The following IMMT variants were observed in gnomAD, a reference collection of about 807,000 sequenced individuals.
IMMT encodes the protein MICOS complex subunit MIC60.
Under a neutral mutation model 92.7 loss-of-function variants are expected in IMMT, and 40 were observed. The observed-to-expected ratio is 0.43, with a 90% confidence interval of 0.34 to 0.56. The LOEUF (loss-of-function observed/expected upper bound fraction) is 0.56. Among genes scored for constraint, IMMT ranks in the 20% least tolerant of loss-of-function variants. IMMT has a pLI of 0.03. For synonymous variants in IMMT, 322 were observed against 336.1 expected, an observed-to-expected ratio of 0.96 and a Z score of 0.46; for missense variants, 831 against 912.1, an observed-to-expected ratio of 0.91 and a Z score of 1.14.
chr2:86,185,241 TATG>T (rs1325233940), intron 1 of IMMT, among the ~76,000 whole-genome samples: 2 of 151,682 alleles, frequency 1.3e-5, no homozygotes, highest in Non-Finnish European at 2.9e-5. Context: ...TTTAGCTGAG[TATG>T]ATAAGGACAG....
In IMMT at chr2:86,146,103, T is replaced by C. The variant is rs771628141; in HGVS notation, c.1628A>G (p.Tyr543Cys). ...CTGTTCGATTCCTCTGAGTCTGGCA[T>C]AGGCAGTATTTATATCCAGAGTAAA... ...DNFTLDINTA[Y>C]ARLRGIEQAV... Residue 543 changes from tyrosine (Y) to cysteine (C), a missense_variant, in exon 14 of 15, where the codon TAT becomes TGT. Coordinates refer to ENST00000410111, the MANE Select transcript of IMMT (RefSeq NM_006839.3). 4.4e-6 allele frequency: 7 copies of C among 1,605,624 alleles called. No homozygotes were observed. The East Asian group carries it at 1.1e-4, about 26-fold the overall frequency.
At chr2:86,162,103 T>C in intron 7 of IMMT, 24 bp from the exon 8 acceptor site, 1 of 1,420,300 alleles carries the variant, frequency 7.0e-7, no homozygotes, top group South Asian at 1.3e-5. Context: ...TTTAATTATA[T>C]AATAAATAAC....
Position 86,162,068 on chromosome 2 carries a change from C to A in IMMT, c.804G>T (p.Glu268Asp). 1 of 1,589,584 alleles carries A rather than the reference C, an allele frequency of 6.3e-7. No homozygotes were observed. Among genetic ancestry groups the A allele is most frequent in the Non-Finnish European group, 8.5e-7 (1 of 1,170,186 alleles). ...AAMDNSEIAG[E>D]KKSAQWRTVE... is the part of the protein sequence containing the mutation. ...CTGTGCGCCACTGAGCAGATTTCTT[C>A]TCGCCTGCAATCTAAACAAAAAATT... Residue 268 changes from glutamate (E) to aspartate (D), a missense_variant, in exon 8 of 15, where the codon GAG (glutamate) becomes GAT (aspartate). Glu to Asp is a conservative substitution (Grantham distance 45). Transcript: ENST00000410111.
At chr2:86,147,913 CATG>C in intron 12 of IMMT, 80 bp from the exon 13 acceptor site, 15 of 1,401,294 alleles carry the variant, frequency 1.1e-5, no homozygotes, top group Non-Finnish European at 1.5e-5. Context: ...CACTATCAAC[CATG>C]ACAACAGCAG....
intron 10 of IMMT, 66 bp downstream of exon 10, chr2:86,158,526 C>A (rs1676021570): frequency 1.5e-6 from 2 of 1,363,258 alleles, no homozygotes; most frequent in South Asian, 2.6e-5. Context: ...GGAGATGAAG[C>A]AAGTTTAGAT....
At chr2:86,184,067 T>G (rs1672598041) in intron 1 of IMMT, among the ~76,000 whole-genome samples, 1 of 152,214 alleles carries the variant, frequency 6.6e-6, no homozygotes. Context: ...TATGAAAGTA[T>G]GTTTTCCCAC....
rs537164834 is a variant in IMMT, at chr2:86,190,428, G to GACT, written c.45+4907_45+4909dup. ...CTTCTTTCAAGTTATAAGCAGGAAA[G>GACT]ACTACTCCATATGTAAATGACCACT... On this transcript the variant is annotated intron_variant, in intron 1 of 14. Transcript: ENST00000410111. 5.3e-5 allele frequency among the ~76,000 whole-genome samples: 8 copies of GACT among 152,300 alleles called. No individual in the cohort carries two copies. In the East Asian group the frequency reaches 1.4e-3, roughly 26 times the overall value.
intron 10 of IMMT, among the ~76,000 whole-genome samples, chr2:86,157,562 A>T (rs1377137686): frequency 3.3e-5 from 5 of 152,034 alleles, no homozygotes; most frequent in Non-Finnish European, 7.4e-5. Flanking sequence ...AAGGTGGGCG[A>T]ATCACTTGAG....
rs1367598607 is a variant in IMMT, at chr2:86,182,565, C to T, written c.46-1193G>A. Among the ~76,000 whole-genome samples the T allele has an allele frequency of 3.3e-5, 5 of 152,230 alleles. No homozygotes were observed. In the East Asian group the frequency reaches 9.6e-4, roughly 29 times the overall value. On this transcript the variant is annotated intron_variant, in intron 1 of 14. Transcript: ENST00000410111. ...TATTTCAATTATTGACATGGTGGCTCATGCCTGTAATCCCAGCACTTTGGG... is the reference window on the plus strand; with the variant it reads ...TATTTCAATTATTGACATGGTGGCTTATGCCTGTAATCCCAGCACTTTGGG...
chr2:86,144,742 G>T lies in IMMT; in HGVS notation c.1803C>A (p.Ala601=). 6.2e-7 allele frequency: 1 copy of T among 1,613,812 alleles called. No individual in the cohort carries two copies. Among genetic ancestry groups the T allele is most frequent in the Non-Finnish European group, 8.5e-7 (1 of 1,179,872 alleles). Reference sequence around the variant, plus strand: ...GGGTGAATTCATTATCAGAACAGTTGGCTTTGATGGCCTCAACTGCACTAC... The same window carrying T: ...GGGTGAATTCATTATCAGAACAGTTTGCTTTGATGGCCTCAACTGCACTAC... ...PLGSAVEAIK[A]NCSDNEFTQA... is the part of the protein sequence containing the mutation. Residue 601 remains alanine, a synonymous_variant, in exon 15 of 15, where the codon GCC becomes GCA. Transcript: ENST00000410111.
chr2:86,150,894 A>C (rs534347762), intron 12 of IMMT, among the ~76,000 whole-genome samples: 1 of 151,692 alleles, frequency 6.6e-6, no homozygotes, highest in African/African-American at 2.4e-5. Context: ...CTTATATTCA[A>C]TATCCTAAAG....
chr2:86,144,202 C>A lies in IMMT; in HGVS notation c.*66G>T. ...ACAAGTCCGGGACTCTCGCTGCGAA[C>A]CCTTCATCTATCACTGCTGATTTCC... On this transcript the variant is annotated 3_prime_UTR_variant, in exon 15 of 15. Coordinates refer to ENST00000410111, the MANE Select transcript of IMMT (RefSeq NM_006839.3). 1 of 1,570,346 alleles carries A rather than the reference C, an allele frequency of 6.4e-7. No homozygotes were observed. The highest frequency in any genetic ancestry group is 1.2e-5 in the South Asian group (1 of 85,680).
rs968080351 is a variant in IMMT, at chr2:86,166,366, T to G, written c.792+142A>C. 4 of 660,648 alleles carry G rather than the reference T, an allele frequency of 6.1e-6. No homozygotes were observed. In the African/African-American group the frequency reaches 7.4e-5, roughly 12 times the overall value. The allele number at this position is 660,648 out of a possible 1,614,324, so 40.9% of individuals were successfully genotyped here. A position where few individuals can be genotyped will look rare whatever the true frequency, so the allele number is the denominator to read the frequency against. ...CAAAAAAAGATTAATTATTCCAGAC[T>G]ATCTTCCCCTAGTGAGAGAAAGCCG... On this transcript the variant is annotated intron_variant, in intron 7 of 14. Transcript: ENST00000410111.
intron 1 of IMMT, among the ~76,000 whole-genome samples, chr2:86,191,637 C>T (rs1271653333): frequency 6.6e-6 from 1 of 151,916 alleles, no homozygotes; most frequent in Admixed American, 6.6e-5. Context: ...GGCGCGGTGG[C>T]TCACGCCTGT....
chr2:86,193,412 A>AAC (rs1280273177), intron 1 of IMMT, among the ~76,000 whole-genome samples: 4 of 151,668 alleles, frequency 2.6e-5, no homozygotes, highest in Admixed American at 2.6e-4. Flanking sequence ...GTATCCAAAA[A>AAC]AAAAAAAAGA....
rs181749429 is a variant in IMMT, at chr2:86,147,784, C to T, written c.1451G>A (p.Arg484His). 23 of 1,613,848 alleles carry T rather than the reference C, an allele frequency of 1.4e-5. No homozygotes were observed. The Admixed American group carries it at 1.5e-4, about 11-fold the overall frequency. ...AMENEMRTQL[R>H]RQAAAHTDHL... ...ATCAGTGTGGGCAGCTGCCTGTCGG[C>T]GAAGCTGGGTTCTCATTTCATTTTC... The change falls in exon 13 of 15, where the codon CGC (arginine) becomes CAC (histidine). Residue 484 changes from arginine (R) to histidine (H), a missense_variant. Physicochemically the swap from Arg to His is conservative, Grantham distance 29 (BLOSUM62 0). Coordinates refer to ENST00000410111, the MANE Select transcript of IMMT (RefSeq NM_006839.3).
At chr2:86,147,615 A>G (rs1485264609) in intron 13 of IMMT, 87 bp downstream of exon 13, 5 of 1,330,718 alleles carry the variant, frequency 3.8e-6, no homozygotes, top group Non-Finnish European at 5.1e-6. Flanking sequence ...CAAATCTTCG[A>G]CATCCTCAGA....
intron 12 of IMMT, among the ~76,000 whole-genome samples, chr2:86,150,228 C>T (rs556276784): frequency 6.6e-6 from 1 of 152,216 alleles, no homozygotes; most frequent in South Asian, 2.1e-4. Flanking sequence ...TGGATAGGAA[C>T]CTGAAGCCAA....
chr2:86,171,286 G>A lies in IMMT; in HGVS notation c.481C>T (p.Pro161Ser). Residue 161 changes from proline (P) to serine (S), a missense_variant, in exon 5 of 15, where the codon CCT (proline) becomes TCT (serine). Coordinates refer to ENST00000410111, the MANE Select transcript of IMMT (RefSeq NM_006839.3). ...AAGDTLSVPA[P>S]AVQPEESLKT... ...AAAGATTCCTCAGGCTGAACTGCAG[G>A]GGCTGGGACCGACAGGGTATCACCT... 6.2e-7 allele frequency: 1 copy of A among 1,610,336 alleles called. No individual in the cohort carries two copies. The highest frequency in any genetic ancestry group is 8.5e-7 in the Non-Finnish European group (1 of 1,177,976).
Sources: allele counts gnomAD v4.1 joint callset (sites outside exome capture counted in the v4.1 genomes callset), GRCh38; gene constraint gnomAD v4.1.1; transcripts MANE v1.5; gene names NCBI Gene and HGNC (gene_info 2026-07-23, HGNC 2026-07-21).